EVI5: variants seen among roughly 807,000 people sequenced by gnomAD.
EVI5 encodes the protein ecotropic viral integration site 5 protein homolog.
EVI5 carries 73 observed loss-of-function variants against 112.0 expected under a neutral mutation model. The observed-to-expected ratio is 0.65, with a 90% CI of 0.54 to 0.79. The LOEUF (loss-of-function observed/expected upper bound fraction) is 0.79, where lower values mean the gene tolerates loss of function less well. EVI5 is among the 30% of genes least tolerant of loss of function. The pLI is 0.00. For missense variants in EVI5, 900 were observed against 968.8 expected (o/e 0.93, Z 0.94); for synonymous variants, 305 against 319.9 (o/e 0.95, Z 0.50).
intron 19 of EVI5, among the ~76,000 whole-genome samples, chr1:92,526,556 G>A (rs1661917985): frequency 1.3e-5 from 2 of 152,152 alleles, no homozygotes; most frequent in Non-Finnish European, 2.9e-5. Context: ...GGAGTGACAT[G>A]GAGGAACCTT....
chr1:92,662,810 A>G lies in EVI5; in HGVS notation c.1301T>C (p.Leu434Ser). ...ATCACTCTGCTGTTTGATGGTGGCC[A>G]ACTCCCGTTTTATGAGGTAGTTTTC... ...AEENYLIKRE[L>S]ATIKQQSDEA... Residue 434 changes from leucine to serine, a missense_variant, in exon 13 of 20, where the codon TTG (leucine) becomes TCG (serine). Leu to Ser is a moderately radical substitution (Grantham distance 145). Transcript: ENST00000684568. 1 of 1,289,488 alleles carries G rather than the reference A, an allele frequency of 7.8e-7. No individual in the cohort carries two copies. The highest frequency in any genetic ancestry group is 1.0e-6 in the Non-Finnish European group (1 of 988,746). 79.9% of individuals were successfully genotyped at this position (1,289,488 alleles called of 1,614,324 possible). A position where few individuals can be genotyped will look rare whatever the true frequency, so the allele number is the denominator to read the frequency against.
intron 18 of EVI5, among the ~76,000 whole-genome samples, chr1:92,591,613 A>C (rs1212039509): frequency 6.6e-6 from 1 of 151,980 alleles, no homozygotes; most frequent in African/African-American, 2.4e-5. Flanking sequence ...TTTATAAAGC[A>C]AGTCCTCAGA....
chr1:92,667,060 G>C (rs1447563742), intron 10 of EVI5, among the ~76,000 whole-genome samples: 1 of 152,182 alleles, frequency 6.6e-6, no homozygotes, highest in African/African-American at 2.4e-5. Flanking sequence ...GACCAGGCAG[G>C]TGGATCACTT....
chr1:92,636,749 T>C (rs138121278), intron 13 of EVI5, among the ~76,000 whole-genome samples: 286 of 152,258 alleles, frequency 1.9e-3, no homozygotes, highest in African/African-American at 6.5e-3. Context: ...TAAAACAAGT[T>C]ATAAGTATAA....
chr1:92,780,331 G>C (rs1032301695), intron 1 of EVI5, among the ~76,000 whole-genome samples: 1 of 152,186 alleles, frequency 6.6e-6, no homozygotes, highest in African/African-American at 2.4e-5. Context: ...CATGAGAACA[G>C]ACTAATACAC....
chr1:92,657,382 G>A (rs1256634397), intron 13 of EVI5, among the ~76,000 whole-genome samples: 3 of 152,242 alleles, frequency 2.0e-5, no homozygotes, highest in East Asian at 1.9e-4. Flanking sequence ...CCAAACATAC[G>A]CCAGGTACGT....
At chr1:92,791,161 T>G (rs1686066008) in intron 1 of EVI5, among the ~76,000 whole-genome samples, 2 of 152,212 alleles carry the variant, frequency 1.3e-5, no homozygotes, top group African/African-American at 4.8e-5. Flanking sequence ...AAGGAGAAAT[T>G]CATTCATTTC....
intron 9 of EVI5, among the ~76,000 whole-genome samples, chr1:92,683,775 T>C (rs948277632): frequency 6.6e-6 from 1 of 152,084 alleles, no homozygotes; most frequent in African/African-American, 2.4e-5. Flanking sequence ...CAAGCTTCAA[T>C]AGTTGATTCG....
chr1:92,612,157 C>T (rs142607486), intron 16 of EVI5, among the ~76,000 whole-genome samples: 1 of 151,532 alleles, frequency 6.6e-6, no homozygotes, highest in African/African-American at 2.4e-5. Context: ...ACTTTGTTCA[C>T]CCAGGTAAGC....
At chr1:92,560,919 T>A (rs1668431448) in intron 19 of EVI5, among the ~76,000 whole-genome samples, 1 of 151,820 alleles carries the variant, frequency 6.6e-6, no homozygotes, top group African/African-American at 2.4e-5. Flanking sequence ...ACTTTCATGA[T>A]TATGAAGCCA....
chr1:92,536,412 G>C (rs1663904825), intron 19 of EVI5, among the ~76,000 whole-genome samples: 1 of 152,050 alleles, frequency 6.6e-6, no homozygotes, highest in African/African-American at 2.4e-5. Flanking sequence ...GTTTTGACAG[G>C]AAACAGCAGA....
intron 19 of EVI5, among the ~76,000 whole-genome samples, chr1:92,540,993 G>A (rs1571402240): frequency 6.6e-6 from 1 of 152,144 alleles, no homozygotes; most frequent in East Asian, 1.9e-4. Context: ...AGAATTGCTT[G>A]GCCCCGGGAG....
At chr1:92,717,301 C>T (rs539306411) in intron 2 of EVI5, among the ~76,000 whole-genome samples, 1 of 152,156 alleles carries the variant, frequency 6.6e-6, no homozygotes, top group Non-Finnish European at 1.5e-5. Context: ...ACAGAAAGGT[C>T]GGGTTACCCA....
intron 16 of EVI5, among the ~76,000 whole-genome samples, chr1:92,609,501 G>A (rs1651237034): frequency 1.3e-5 from 2 of 152,110 alleles, no homozygotes; most frequent in South Asian, 4.2e-4. Context: ...GGGATTACAG[G>A]CACCCACCAC....
intron 18 of EVI5, among the ~76,000 whole-genome samples, chr1:92,572,041 G>A (rs759222580): frequency 6.6e-6 from 1 of 152,248 alleles, no homozygotes; most frequent in East Asian, 1.9e-4. Flanking sequence ...TGTAAAAGGT[G>A]TAAATGCATA....
At chr1:92,731,318 C>CA (rs1166951958) in intron 2 of EVI5, among the ~76,000 whole-genome samples, 1 of 151,032 alleles carries the variant, frequency 6.6e-6, no homozygotes, top group Admixed American at 6.6e-5. Context: ...GGCCCCATTT[C>CA]AAAAAAACAA....
intron 9 of EVI5, among the ~76,000 whole-genome samples, chr1:92,688,473 G>C (rs944665381): frequency 6.6e-6 from 1 of 152,170 alleles, no homozygotes; most frequent in Non-Finnish European, 1.5e-5. Flanking sequence ...TTCTGAAATT[G>C]TTCATTTTGT....
intron 19 of EVI5, among the ~76,000 whole-genome samples, chr1:92,532,578 A>G (rs188485905): frequency 4.6e-3 from 702 of 152,326 alleles, no homozygotes; most frequent in Non-Finnish European, 8.6e-3. Context: ...AAATCATAAC[A>G]AACAGTCTCT....
intron 18 of EVI5, among the ~76,000 whole-genome samples, chr1:92,572,168 T>C (rs1670415704): frequency 6.6e-6 from 1 of 152,168 alleles, no homozygotes; most frequent in South Asian, 2.1e-4. Flanking sequence ...TATGAGGTTC[T>C]TAATCAAATG....
Sources: allele counts gnomAD v4.1 joint callset (sites outside exome capture counted in the v4.1 genomes callset), GRCh38; gene constraint gnomAD v4.1.1; transcripts MANE v1.5; gene names NCBI Gene and HGNC (gene_info 2026-07-23, HGNC 2026-07-21).